The following C14orf180 variants were observed in gnomAD, a reference collection of about 807,000 sequenced individuals.
C14orf180 encodes the protein chromosome 14 open reading frame 180, also known as nutritionally-regulated adipose and cardiac enriched protein homolog.
In C14orf180, 13 loss-of-function variants were observed where a neutral mutation model predicts 13.9. The observed-to-expected ratio is 0.94, with a 90% CI of 0.61 to 1.49. The LOEUF (loss-of-function observed/expected upper bound fraction) is 1.49, where lower values mean the gene tolerates loss of function less well. Ranked by LOEUF, C14orf180 falls within the 40% of genes most tolerant of loss-of-function variation. C14orf180 has a pLI of 0.00. For synonymous variants in C14orf180, 113 were observed against 106.3 expected (o/e 1.06, Z -0.39); for missense variants, 238 against 232.0 (o/e 1.03, Z -0.17).
chr14:104,587,651 G>C (rs764121817), intron 2 of C14orf180, 98 bp from the exon 3 acceptor site: 51 of 1,280,558 alleles, frequency 4.0e-5, no homozygotes, highest in Non-Finnish European at 5.0e-5. Context: ...CAGGGTACAG[G>C]TTCCAGGACG....
chr14:104,588,493 C>T (rs2140468394), intron 4 of C14orf180, 85 bp from the exon 5 acceptor site: 2 of 1,432,194 alleles, frequency 1.4e-6, no homozygotes, highest in South Asian at 2.8e-5. Context: ...AGGGTGGAAT[C>T]TCCCCATCCC....
chr14:104,588,670 C>G lies in C14orf180; in HGVS notation c.370C>G (p.Arg124Gly). ...LVLALGLYCG[R>G]AKPVATALED... ...GCTGGCCCTGGGCCTATACTGCGGC[C>G]GGGCCAAGCCCGTGGCAACGGCACT... The change falls in exon 5 of 5, where the codon CGG (arginine) becomes GGG (glycine). Residue 124 changes from arginine to glycine, a missense_variant. Physicochemically the swap from Arg to Gly is moderately radical, Grantham distance 125. Coordinates refer to ENST00000557649, the MANE Select transcript of C14orf180 (RefSeq NM_001008404.3). The G allele has an allele frequency of 2.6e-6, 4 of 1,534,396 alleles. No individual in the cohort carries two copies. The highest frequency in any genetic ancestry group is 2.7e-5 in the African/African-American group (2 of 73,110).
chr14:104,588,240 G>T (rs1194349518), intron 3 of C14orf180, 34 bp from the exon 4 acceptor site: 4 of 1,613,652 alleles, frequency 2.5e-6, no homozygotes, highest in African/African-American at 2.7e-5. Context: ...ACTGAGGCAG[G>T]TGCCCCCAGC....
intron 1 of C14orf180, among the ~76,000 whole-genome samples, chr14:104,581,896 T>C (rs1886449675): frequency 7.1e-6 from 1 of 140,922 alleles, no homozygotes; most frequent in South Asian, 2.1e-4. Context: ...GCCGTGTGAA[T>C]GGGTGCAGTG....
chr14:104,586,961 G>A (rs1206868407), intron 2 of C14orf180, among the ~76,000 whole-genome samples: 3 of 152,218 alleles, frequency 2.0e-5, no homozygotes, highest in Admixed American at 6.5e-5. Flanking sequence ...GCTGGGGCAT[G>A]CCACAGGCAC....
chr14:104,580,142 G>A (rs1324439930), intron 1 of C14orf180, 139 bp downstream of exon 1: 2 of 152,312 alleles, frequency 1.3e-5, no homozygotes, highest in Non-Finnish European at 2.9e-5. Flanking sequence ...ACTGGGCAGA[G>A]CGGAGAGATT....
chr14:104,582,082 G>A (rs1361859676), intron 1 of C14orf180, among the ~76,000 whole-genome samples: 1 of 152,200 alleles, frequency 6.6e-6, no homozygotes, highest in Non-Finnish European at 1.5e-5. Context: ...TGCATGGGGG[G>A]CACTGCCCGC....
At chr14:104,588,350 C>T (rs746140869) in intron 4 of C14orf180, 41 bp downstream of exon 4, 132 of 1,612,012 alleles carry the variant, frequency 8.2e-5, no homozygotes, top group Non-Finnish European at 7.7e-5. Context: ...ACTGCCCCCT[C>T]CGTGGGTGCA....
chr14:104,582,651 G>A (rs541354751), intron 1 of C14orf180, among the ~76,000 whole-genome samples: 1 of 152,186 alleles, frequency 6.6e-6, no homozygotes, highest in African/African-American at 2.4e-5. Context: ...CCGCCAGGGA[G>A]CTCGGTGCCC....
chr14:104,588,785 G>A lies in C14orf180; in HGVS notation c.*2G>A, dbSNP rs1566738268. 33 of 486,360 alleles carry A rather than the reference G, an allele frequency of 6.8e-5. No individual in the cohort carries two copies. Among genetic ancestry groups the A allele is most frequent in the Non-Finnish European group, 8.0e-5 (32 of 398,242 alleles). 30.1% of individuals were successfully genotyped at this position (486,360 alleles called of 1,614,324 possible). The stretch of plus-strand genomic sequence containing the variant: ...TGGCGCGGCCTCCTGCGGCTCTGAC[G>A]GGCAGGACGGGCAGGACGGGCAGGG... On this transcript the variant is annotated 3_prime_UTR_variant, in exon 5 of 5. Coordinates refer to ENST00000557649, the MANE Select transcript of C14orf180 (RefSeq NM_001008404.3).
At chr14:104,588,441 A>C (rs1301949950) in intron 4 of C14orf180, 132 bp downstream of exon 4, 1 of 1,496,670 alleles carries the variant, frequency 6.7e-7, no homozygotes, top group African/African-American at 1.4e-5. Flanking sequence ...CTCTTGTTGC[A>C]AGGAGACCCC....
chr14:104,587,389 A>T (rs1231784951), intron 2 of C14orf180, among the ~76,000 whole-genome samples: 1 of 152,058 alleles, frequency 6.6e-6, no homozygotes, highest in Admixed American at 6.5e-5. Flanking sequence ...CCCCTTAGCC[A>T]GAGCCCCTCT....
intron 1 of C14orf180, among the ~76,000 whole-genome samples, chr14:104,582,768 C>T (rs868296140): frequency 2.6e-5 from 4 of 152,212 alleles, no homozygotes; most frequent in East Asian, 1.9e-4. Context: ...CGGGTGGACG[C>T]GCCCTCCCCA....
chr14:104,586,603 G>A, intron 2 of C14orf180, 62 bp downstream of exon 2: 1 of 1,101,644 alleles, frequency 9.1e-7, no homozygotes, highest in Non-Finnish European at 1.3e-6. Flanking sequence ...GCTGGAGGGG[G>A]CAGGGAGCAA....
In C14orf180 at chr14:104,588,744, C is replaced by A; in HGVS notation, c.444C>A (p.His148Gln). 1 of 1,535,662 alleles carries A rather than the reference C, an allele frequency of 6.5e-7. No individual in the cohort carries two copies. Among genetic ancestry groups the A allele is most frequent in the South Asian group, 1.2e-5 (1 of 83,952 alleles). Residue 148 changes from histidine to glutamine, a missense_variant, in exon 5 of 5, where the codon CAC (histidine) becomes CAA (glutamine). Coordinates refer to ENST00000557649, the MANE Select transcript of C14orf180 (RefSeq NM_001008404.3). ...RLLGLVLHLR[H>Q]VALTCWRGLL... ...TCGGCCTTGTCCTGCACCTGCGGCACGTGGCCCTCACCTGCTGGCGCGGCC... is the reference window on the plus strand; with the variant it reads ...TCGGCCTTGTCCTGCACCTGCGGCAAGTGGCCCTCACCTGCTGGCGCGGCC...
In C14orf180 at chr14:104,588,699, G is replaced by A. The variant is rs549364904; in HGVS notation, c.399G>A (p.Glu133=). 2.0e-6 allele frequency: 3 copies of A among 1,535,676 alleles called. No individual in the cohort carries two copies. The South Asian group carries it at 3.6e-5, about 18-fold the overall frequency. Reference sequence around the variant, plus strand: ...CCAAGCCCGTGGCAACGGCACTGGAGGACCTGCGGGCCCGGCTCCTCGGCC... The same window carrying A: ...CCAAGCCCGTGGCAACGGCACTGGAAGACCTGCGGGCCCGGCTCCTCGGCC... ...GRAKPVATAL[E]DLRARLLGLV... is the part of the protein sequence containing the mutation. Residue 133 remains glutamate (E), a synonymous_variant, in exon 5 of 5, where the codon GAG becomes GAA. Coordinates refer to ENST00000557649, the MANE Select transcript of C14orf180 (RefSeq NM_001008404.3).
intron 3 of C14orf180, 28 bp downstream of exon 3, chr14:104,587,906 G>A (rs773547359): frequency 1.9e-6 from 3 of 1,588,866 alleles, no homozygotes; most frequent in African/African-American, 1.3e-5. Context: ...GCAAGCAGCT[G>A]GGAGAGGGTG....
intron 1 of C14orf180, among the ~76,000 whole-genome samples, chr14:104,583,899 T>G (rs529523160): frequency 8.9e-4 from 136 of 152,042 alleles, no homozygotes; most frequent in African/African-American, 3.1e-3. Context: ...AGTACACATA[T>G]GCACACATAG....
In C14orf180 at chr14:104,589,119, G is replaced by T; in HGVS notation, c.*336G>T. The T allele has an allele frequency of 2.0e-6, 1 of 490,974 alleles. No homozygotes were observed. 30.4% of individuals were successfully genotyped at this position (490,974 alleles called of 1,614,324 possible). ...CCTCGTCCCAGCAGGAACTCCTGCT[G>T]CTGCTAGGGCCTGGCCCGGCCATCA... On this transcript the variant is annotated 3_prime_UTR_variant, in exon 5 of 5. Transcript: ENST00000557649. The surrounding 1 kb of genome is among the most constrained non-coding windows in gnomAD (Gnocchi z 4.9).
Sources: gnomAD v4.1 joint callset for allele counts (sites outside exome capture counted in the v4.1 genomes callset) on GRCh38, gnomAD v4.1.1 for gene constraint, Gnocchi (gnomAD v3.1) non-coding constraint, MANE v1.5 for transcripts, NCBI Gene and HGNC (gene_info 2026-07-23, HGNC 2026-07-21) for gene names.